Variants in PLXNA4 observed in about 807,000 individuals in gnomAD.
PLXNA4 encodes the protein plexin A4.
Under a neutral mutation model 191.8 loss-of-function variants are expected in PLXNA4, and 44 were observed. The observed-to-expected ratio is 0.23, with a 90% CI of 0.18 to 0.29. PLXNA4 has a LOEUF of 0.29. Ranked by LOEUF, PLXNA4 falls within the 10% of genes least tolerant of loss-of-function variation. The probability of loss-of-function intolerance (pLI) is 1.00; values close to 1 mark genes in which losing one functional copy is unlikely to be tolerated. For synonymous variants in PLXNA4, 1,082 were observed against 1,009.5 expected (o/e 1.07, Z -1.36); for missense variants, 1,800 against 2,488.8 (o/e 0.72, Z 5.89).
At chr7:132,632,399 C>T (rs1458046998) in intron 2 of PLXNA4, among the ~76,000 whole-genome samples, 1 of 152,160 alleles carries the variant, frequency 6.6e-6, no homozygotes. Flanking sequence ...ATCCTCACAA[C>T]CCTATAAAGT....
chr7:132,281,405 G>C (rs1584940624), intron 4 of PLXNA4, among the ~76,000 whole-genome samples: 1 of 152,262 alleles, frequency 6.6e-6, no homozygotes, highest in South Asian at 2.1e-4. Flanking sequence ...GAACTAATCG[G>C]AGGGTGCTGA....
At chr7:132,182,665 C>T (rs912030292) in intron 16 of PLXNA4, among the ~76,000 whole-genome samples, 2 of 152,178 alleles carry the variant, frequency 1.3e-5, no homozygotes, top group Non-Finnish European at 2.9e-5. Context: ...CCAGGGCAAT[C>T]GTTCTATAAT....
chr7:132,193,215 A>C (rs1272201209), intron 14 of PLXNA4, among the ~76,000 whole-genome samples: 1 of 152,214 alleles, frequency 6.6e-6, no homozygotes, highest in Non-Finnish European at 1.5e-5. Flanking sequence ...TTATTATCAA[A>C]GAGTGGGTTT....
chr7:132,377,979 C>A (rs2116928410), intron 3 of PLXNA4, among the ~76,000 whole-genome samples: 1 of 152,268 alleles, frequency 6.6e-6, no homozygotes, highest in African/African-American at 2.4e-5. Context: ...CAGGAGCAAT[C>A]CTCCAACTTC....
chr7:132,262,659 A>G (rs926621495), intron 4 of PLXNA4, among the ~76,000 whole-genome samples: 11 of 152,124 alleles, frequency 7.2e-5, no homozygotes, highest in East Asian at 1.9e-4. Context: ...TAACTGATCA[A>G]TTAATATTGT....
intron 1 of PLXNA4, among the ~76,000 whole-genome samples, chr7:132,516,224 ATTTATTTATTTATTTAT>A (rs932759434): frequency 4.4e-5 from 2 of 45,962 alleles, no homozygotes; most frequent in African/African-American, 1.4e-4. Flanking sequence ...TTGTCCTTTT[ATTTATTTATTTATTTAT>A]TTATTTATTT....
chr7:132,188,998 G>GGAGAGGAGAGGAAAGGAAA (rs1562908835), intron 14 of PLXNA4, among the ~76,000 whole-genome samples: 22 of 50,984 alleles, frequency 4.3e-4, no homozygotes, highest in Non-Finnish European at 5.2e-4. Flanking sequence ...GGAAAGGAGA[G>GGAGAGGAGAGGAAAGGAAA]AGAGAGAGAG....
At chr7:132,387,559 CTA>C (rs1457304323) in intron 3 of PLXNA4, among the ~76,000 whole-genome samples, 1 of 152,170 alleles carries the variant, frequency 6.6e-6, no homozygotes, top group Non-Finnish European at 1.5e-5. Context: ...CCAGGTAACT[CTA>C]TGGTTCAGAA....
chr7:132,567,483 C>T (rs1691778901), intron 1 of PLXNA4, among the ~76,000 whole-genome samples: 1 of 152,150 alleles, frequency 6.6e-6, no homozygotes, highest in Admixed American at 6.5e-5. Context: ...CATCTGAATC[C>T]TCTGGAATAG....
chr7:132,525,136 T>C (rs1799349435), intron 1 of PLXNA4, among the ~76,000 whole-genome samples: 1 of 152,194 alleles, frequency 6.6e-6, no homozygotes, highest in African/African-American at 2.4e-5. Context: ...TTAACTATCC[T>C]AGGTATCTCA....
intron 1 of PLXNA4, among the ~76,000 whole-genome samples, chr7:132,566,200 G>A (rs1022404252): frequency 3.3e-5 from 5 of 152,164 alleles, no homozygotes; most frequent in African/African-American, 7.2e-5. Context: ...AATTGGGCAC[G>A]TGAATTACCA....
At chr7:132,583,814 T>C (rs919900636) in intron 2 of PLXNA4, among the ~76,000 whole-genome samples, 8 of 152,138 alleles carry the variant, frequency 5.3e-5, no homozygotes, top group African/African-American at 1.9e-4. Context: ...TTCACAAATG[T>C]GAGATGTCCC....
At position 132,461,799 on chromosome 7, in the gene PLXNA4, G is replaced by A. The variant is rs1406873560; in HGVS notation, c.1371+27493C>T. ...GAGGGAAAGAAAAATACTCAGTCAA[G>A]TCTCCATTTACATTTAAGGTTGACA... On this transcript the variant is annotated intron_variant, in intron 3 of 31. Coordinates refer to ENST00000321063, the MANE Select transcript of PLXNA4 (RefSeq NM_020911.2). Among the ~76,000 whole-genome samples, 3 of 152,206 alleles carry A rather than the reference G, an allele frequency of 2.0e-5. No individual in the cohort carries two copies. In the East Asian group the frequency reaches 5.8e-4, roughly 29 times the overall value.
chr7:132,346,377 A>G (rs931047239), intron 3 of PLXNA4, among the ~76,000 whole-genome samples: 15 of 152,236 alleles, frequency 9.9e-5, no homozygotes, highest in Admixed American at 2.0e-4. Context: ...AAAGTTCAAA[A>G]ATATTAAGTG....
chr7:132,396,679 G>GA (rs1195663910), intron 3 of PLXNA4, among the ~76,000 whole-genome samples: 1 of 152,132 alleles, frequency 6.6e-6, no homozygotes, highest in Non-Finnish European at 1.5e-5. Flanking sequence ...TTTGGTAGAG[G>GA]ACGGGGCTTC....
intron 4 of PLXNA4, among the ~76,000 whole-genome samples, chr7:132,279,381 C>T (rs1434419265): frequency 6.6e-6 from 1 of 152,320 alleles, no homozygotes; most frequent in Non-Finnish European, 1.5e-5. Context: ...GTGGCTCACA[C>T]ACTTTGGGAT....
intron 3 of PLXNA4, among the ~76,000 whole-genome samples, chr7:132,470,837 T>C (rs1253529878): frequency 6.6e-6 from 1 of 152,174 alleles, no homozygotes. Context: ...GATTATCTCC[T>C]AGAACCTCCA....
chr7:132,646,832 C>T (rs566637566), intron 1 of PLXNA4, among the ~76,000 whole-genome samples: 54 of 152,252 alleles, frequency 3.5e-4, no homozygotes, highest in Non-Finnish European at 6.9e-4. Flanking sequence ...CACAGACACA[C>T]GGCCACACAT....
At chr7:132,232,774 G>A (rs1019148643) in intron 5 of PLXNA4, among the ~76,000 whole-genome samples, 2 of 152,198 alleles carry the variant, frequency 1.3e-5, no homozygotes, top group Non-Finnish European at 2.9e-5. Context: ...GGGAGAGGGA[G>A]AGAGGTGGTG....
Sources: allele counts gnomAD v4.1 joint callset (sites outside exome capture counted in the v4.1 genomes callset), GRCh38; gene constraint gnomAD v4.1.1; transcripts MANE v1.5; gene names NCBI Gene and HGNC (gene_info 2026-07-23, HGNC 2026-07-21).